The following PPL variants were observed in gnomAD, a reference collection of about 807,000 sequenced individuals.
PPL encodes the protein periplakin, also known as 190 kDa paraneoplastic pemphigus antigen.
Under a neutral mutation model 194.4 loss-of-function variants are expected in PPL, and 198 were observed. The ratio of observed to expected loss-of-function variants is 1.02; its 90% confidence interval spans 0.91 to 1.15. The LOEUF is 1.15. PPL is among the 50% of genes most tolerant of loss of function. The pLI, the probability that PPL is intolerant of heterozygous loss-of-function variation, is 0.00. For missense variants in PPL, 2,885 were observed against 2,294.8 expected (o/e 1.26, Z -5.25); for synonymous variants, 1,220 against 972.4 (o/e 1.25, Z -4.74).
At chr16:4,897,156 G>A (rs1222354620) in intron 9 of PPL, among the ~76,000 whole-genome samples, 3 of 151,264 alleles carry the variant, frequency 2.0e-5, no homozygotes, top group Non-Finnish European at 4.4e-5. Flanking sequence ...CCAACATGGC[G>A]AAACCCCATC....
rs529170973 is a variant in PPL at position 4,884,617 on chromosome 16, C to G, written c.4038G>C (p.Val1346=). The change falls in exon 22 of 22, where the codon GTG becomes GTC. Residue 1346 remains valine (V), a synonymous_variant. Coordinates refer to ENST00000345988, the MANE Select transcript of PPL (RefSeq NM_002705.5). The surrounding 1 kb of genome is among the most constrained non-coding windows in gnomAD (Gnocchi z 5.7). The part of the protein sequence containing the change: ...IARKEEELSR[V]KERVVQQEVV... ...CCTCCTGCTGCACCACCCTTTCCTT[C>G]ACCCGCGAGAGCTCCTCCTCTTTCC... is the stretch of plus-strand genomic sequence containing the variant. The G allele has an allele frequency of 9.3e-6, 15 of 1,614,192 alleles. No homozygotes were observed. The African/African-American group carries it at 1.3e-4, about 14-fold the overall frequency.
chr16:4,903,701 C>A (rs532041332), intron 3 of PPL, among the ~76,000 whole-genome samples, 185 bp downstream of exon 3: 100 of 149,470 alleles, frequency 6.7e-4, no homozygotes, highest in Admixed American at 3.0e-3. Context: ...GCCTGGGCAA[C>A]AAGAGCAAAA....
rs191699411 is a variant in PPL, at chr16:4,900,151, T to C, written c.606+679A>G. Among the ~76,000 whole-genome samples the C allele has an allele frequency of 9.8e-4, 149 of 152,298 alleles. 1 individual carries two copies. The highest frequency in any genetic ancestry group is 9.7e-3 in the Admixed American group (149 of 15,292). ...GCCTCTGTATTCTCTGTCTGAAACATTGGCAACAAGGAAGCGTTTGCATAA... is the reference window on the plus strand; with the variant it reads ...GCCTCTGTATTCTCTGTCTGAAACACTGGCAACAAGGAAGCGTTTGCATAA... On this transcript the variant is annotated intron_variant, in intron 6 of 21. Transcript: ENST00000345988.
rs554581359 is a variant in PPL at position 4,890,762 on chromosome 16, G to A, written c.2128C>T (p.Arg710Cys). The A allele has an allele frequency of 1.7e-5, 28 of 1,609,156 alleles. No individual in the cohort carries two copies. The highest frequency in any genetic ancestry group is 4.5e-5 in the East Asian group (2 of 44,770). ...QEAEVHKLGQ[R>C]FNNLRQQVER... Reference sequence around the variant, plus strand: ...ACCTGCTGGCGCAGGTTGTTGAAACGCTGGCCCAGCTTGTGCACCTCGGCC... The same window carrying A: ...ACCTGCTGGCGCAGGTTGTTGAAACACTGGCCCAGCTTGTGCACCTCGGCC... The change falls in exon 17 of 22, where the codon CGT becomes TGT. Residue 710 changes from arginine (R) to cysteine (C), a missense_variant. Arg to Cys is a radical substitution (Grantham distance 180, BLOSUM62 -3). Transcript: ENST00000345988.
At chr16:4,910,231 C>G (rs1182854681) in intron 2 of PPL, among the ~76,000 whole-genome samples, 2 of 152,186 alleles carry the variant, frequency 1.3e-5, no homozygotes, top group Non-Finnish European at 2.9e-5. Context: ...TATCTCTCTT[C>G]TCCAAAAAAG....
intron 9 of PPL, among the ~76,000 whole-genome samples, chr16:4,897,069 T>C (rs947795533): frequency 2.6e-5 from 4 of 151,814 alleles, no homozygotes; most frequent in Admixed American, 6.6e-5. Context: ...GTGTGGTGGC[T>C]CACACCTGTA....
rs758508036 is a variant in PPL, at chr16:4,884,318, T to A, written c.4337A>T (p.Lys1446Met). 7 of 1,612,770 alleles carry A rather than the reference T, an allele frequency of 4.3e-6. No individual in the cohort carries two copies. Among genetic ancestry groups the A allele is most frequent in the Non-Finnish European group, 1.7e-6 (2 of 1,179,690 alleles). ...CTGCGGGTCCTGCTGCAGCACCACC[T>A]TCTGCGTATGGGTTACCTTCTCACG... is the stretch of plus-strand genomic sequence containing the variant. ...EAREKVTHTQ[K>M]VVLQQDPQQA... is the part of the protein sequence containing the mutation. Residue 1446 changes from lysine (K) to methionine (M), a missense_variant, in exon 22 of 22, where the codon AAG (lysine) becomes ATG (methionine). By Grantham distance (95) the Lys-to-Met change is moderately conservative. Coordinates refer to ENST00000345988, the MANE Select transcript of PPL (RefSeq NM_002705.5). This position sits in a 1 kb window ranked among gnomAD's most constrained non-coding sequence, Gnocchi z 5.7.
At chr16:4,913,043 G>T (rs2088851403) in intron 1 of PPL, among the ~76,000 whole-genome samples, 1 of 151,938 alleles carries the variant, frequency 6.6e-6, no homozygotes, top group East Asian at 1.9e-4. Context: ...GGTGGAGGTG[G>T]CAGTGAGCTG....
intron 9 of PPL, among the ~76,000 whole-genome samples, chr16:4,896,374 C>T (rs2088427391): frequency 6.6e-6 from 1 of 152,164 alleles, no homozygotes; most frequent in African/African-American, 2.4e-5. Context: ...AGTGGTCTAG[C>T]CATACAATAG....
rs764049268 is a variant in PPL at position 4,884,344 on chromosome 16, G to A, written c.4311C>T (p.Ala1437=). The A allele has an allele frequency of 6.2e-7, 1 of 1,612,484 alleles. No homozygotes were observed. The highest frequency in any genetic ancestry group is 1.1e-5 in the South Asian group (1 of 91,042). The change falls in exon 22 of 22, where the codon GCC becomes GCT. Residue 1437 remains alanine, a synonymous_variant. Transcript: ENST00000345988. The surrounding 1 kb of genome is among the most constrained non-coding windows in gnomAD (Gnocchi z 5.7). ...LAALEQEEAE[A]REKVTHTQKV... Reference sequence around the variant, plus strand: ...TCTGCGTATGGGTTACCTTCTCACGGGCCTCAGCTTCTTCCTGCTCCAGCG... The same window carrying A: ...TCTGCGTATGGGTTACCTTCTCACGAGCCTCAGCTTCTTCCTGCTCCAGCG...
chr16:4,899,002 G>A lies in PPL; in HGVS notation c.876+11C>T. 1 of 1,611,096 alleles carries A rather than the reference G, an allele frequency of 6.2e-7. No individual in the cohort carries two copies. Among genetic ancestry groups the A allele is most frequent in the South Asian group, 1.1e-5 (1 of 91,042 alleles). On this transcript the variant is annotated intron_variant, in intron 8 of 21. Transcript: ENST00000345988. ...CCCTGGGGGAGGTGTCTGGTCTCGGGGTGCATGAACCTCAATGGAGTTCCT... is the reference window on the plus strand; with the variant it reads ...CCCTGGGGGAGGTGTCTGGTCTCGGAGTGCATGAACCTCAATGGAGTTCCT...
At chr16:4,911,667 T>A (rs1045685155) in intron 1 of PPL, among the ~76,000 whole-genome samples, 1 of 152,080 alleles carries the variant, frequency 6.6e-6, no homozygotes, top group Admixed American at 6.6e-5. Flanking sequence ...CCCAAGTAGC[T>A]GGGACTACAG....
At chr16:4,935,955 G>C (rs1449335741) in intron 1 of PPL, among the ~76,000 whole-genome samples, 1 of 152,174 alleles carries the variant, frequency 6.6e-6, no homozygotes, top group Admixed American at 6.5e-5. Context: ...CGAGAAGCTG[G>C]CAAAATGGTC....
In PPL at chr16:4,883,120, A is replaced by C. The variant is rs1053771009; in HGVS notation, c.*264T>G. On this transcript the variant is annotated 3_prime_UTR_variant, in exon 22 of 22. Coordinates refer to ENST00000345988, the MANE Select transcript of PPL (RefSeq NM_002705.5). The surrounding 1 kb of genome is among the most constrained non-coding windows in gnomAD (Gnocchi z 4.8). ...AGTTTGTTGCTGGGAGTGTACAGGAAAAGGGAGGAAAAGGCATCGCAGTTG... is the reference window on the plus strand; with the variant it reads ...AGTTTGTTGCTGGGAGTGTACAGGACAAGGGAGGAAAAGGCATCGCAGTTG... 8.5e-6 allele frequency: 4 copies of C among 471,304 alleles called. No individual in the cohort carries two copies. The highest frequency in any genetic ancestry group is 1.5e-5 in the Non-Finnish European group (4 of 260,022). The allele number at this position is 471,304 out of a possible 1,614,324, so 29.2% of individuals were successfully genotyped here.
At chr16:4,923,308 C>T (rs925877101) in intron 1 of PPL, among the ~76,000 whole-genome samples, 4 of 152,202 alleles carry the variant, frequency 2.6e-5, no homozygotes, top group Non-Finnish European at 4.4e-5. Context: ...AATGCAACAG[C>T]CACCCACTCT....
chr16:4,890,325 G>C lies in PPL; in HGVS notation c.2172C>G (p.Ser724Arg), dbSNP rs556070054. 1.8e-5 allele frequency: 29 copies of C among 1,612,748 alleles called. No homozygotes were observed. Among genetic ancestry groups the C allele is most frequent in the Non-Finnish European group, 2.4e-5 (28 of 1,179,464 alleles). ...CGTAGGCTGCCTTGGCGCTCTGTAG[G>C]CTCTGCGCCCTGTCAAGGCAAAGCG... ...LRQQVERRAQSLQSAKAAYEH... is the reference protein window; with the variant it reads ...LRQQVERRAQRLQSAKAAYEH... Residue 724 changes from serine (S) to arginine (R), a missense_variant, in exon 18 of 22, where the codon AGC becomes AGG. Physicochemically the swap from Ser to Arg is moderately radical, Grantham distance 110. Transcript: ENST00000345988.
At chr16:4,909,690 G>C (rs1290535799) in intron 2 of PPL, among the ~76,000 whole-genome samples, 2 of 152,054 alleles carry the variant, frequency 1.3e-5, no homozygotes, top group Non-Finnish European at 1.5e-5. Context: ...GCCTCCCAAA[G>C]TACTGGGATT....
At chr16:4,916,843 G>C (rs1241932832) in intron 1 of PPL, among the ~76,000 whole-genome samples, 4 of 151,892 alleles carry the variant, frequency 2.6e-5, no homozygotes, top group African/African-American at 9.7e-5. Context: ...GAAAACCTAT[G>C]TCTGGGCTGG....
chr16:4,897,882 C>A, intron 8 of PPL, 112 bp from the exon 9 acceptor site: 1 of 825,780 alleles, frequency 1.2e-6, no homozygotes, highest in Non-Finnish European at 2.0e-6. Flanking sequence ...CATCTGGCAT[C>A]TGTCTGGGTG....
Sources: gnomAD v4.1 joint callset for allele counts (sites outside exome capture counted in the v4.1 genomes callset) on GRCh38, gnomAD v4.1.1 for gene constraint, Gnocchi (gnomAD v3.1) non-coding constraint, MANE v1.5 for transcripts, NCBI Gene and HGNC (gene_info 2026-07-23, HGNC 2026-07-21) for gene names.